Variants in GALNT13 observed in about 807,000 individuals in gnomAD.
GALNT13 encodes polypeptide N-acetylgalactosaminyltransferase 13.
In GALNT13, 28 loss-of-function variants were observed where a neutral mutation model predicts 64.2. The ratio of observed to expected loss-of-function variants is 0.44; its 90% confidence interval spans 0.32 to 0.60. The LOEUF (loss-of-function observed/expected upper bound fraction) is 0.60, where lower values mean the gene tolerates loss of function less well. Among genes scored for constraint, GALNT13 ranks in the 20% least tolerant of loss-of-function variants. The pLI is 0.05. For synonymous variants in GALNT13, 214 were observed against 224.6 expected (o/e 0.95, Z 0.42); for missense variants, 577 against 669.8 (o/e 0.86, Z 1.53).
chr2:153,752,464 G>A, the GALNT13 span, among the ~76,000 whole-genome samples: 2 of 152,080 alleles, frequency 1.3e-5, no homozygotes, highest in Admixed American at 6.6e-5. Context: ...GTGTGGGAAA[G>A]TTTTTATTTC....
chr2:153,781,113 G>A, the GALNT13 span, among the ~76,000 whole-genome samples: 2 of 152,050 alleles, frequency 1.3e-5, no homozygotes, highest in Admixed American at 6.6e-5. Flanking sequence ...CCAGGCAGAG[G>A]GAACATCATA....
At chr2:153,929,968 G>A (rs1165734259) in intron 2 of GALNT13, among the ~76,000 whole-genome samples, 1 of 152,202 alleles carries the variant, frequency 6.6e-6, no homozygotes, top group African/African-American at 2.4e-5. Context: ...CTTATTAGCA[G>A]TGTATAAACA....
the GALNT13 span, among the ~76,000 whole-genome samples, chr2:153,095,679 C>A: frequency 6.6e-6 from 1 of 152,114 alleles, no homozygotes; most frequent in East Asian, 1.9e-4. Flanking sequence ...AAATGTGGCA[C>A]ATATACACCA....
At chr2:153,440,176 C>T in the GALNT13 span, among the ~76,000 whole-genome samples, 4 of 151,988 alleles carry the variant, frequency 2.6e-5, no homozygotes, top group South Asian at 2.1e-4. Context: ...GTTCAGCTCC[C>T]ACTTATGAGT....
At chr2:154,301,081 G>A (rs961606017) in intron 8 of GALNT13, among the ~76,000 whole-genome samples, 3 of 152,230 alleles carry the variant, frequency 2.0e-5, no homozygotes, top group South Asian at 4.1e-4. Context: ...CATGTAACAT[G>A]TACAGATTCA....
the GALNT13 span, among the ~76,000 whole-genome samples, chr2:153,760,316 C>A: frequency 2.0e-5 from 3 of 151,532 alleles, no homozygotes; most frequent in African/African-American, 7.3e-5. Flanking sequence ...TTTCTTCTAA[C>A]TTTGGGCTTA....
intron 3 of GALNT13, among the ~76,000 whole-genome samples, chr2:154,032,806 T>C (rs1188342490): frequency 6.7e-6 from 1 of 150,142 alleles, no homozygotes; most frequent in Non-Finnish European, 1.5e-5. Context: ...TATTTATTAG[T>C]GGAAAGCTCA....
chr2:153,917,395 T>C (rs1458571913), intron 2 of GALNT13, among the ~76,000 whole-genome samples: 1 of 152,138 alleles, frequency 6.6e-6, no homozygotes, highest in Non-Finnish European at 1.5e-5. Context: ...ATAACTTCCC[T>C]TTACATCTCT....
chr2:153,679,035 C>T, the GALNT13 span, among the ~76,000 whole-genome samples: 2 of 151,950 alleles, frequency 1.3e-5, no homozygotes, highest in African/African-American at 4.8e-5. Context: ...GTTATTGTGC[C>T]TCCTACCTAT....
chr2:153,571,852 T>C, the GALNT13 span, among the ~76,000 whole-genome samples: 3 of 152,040 alleles, frequency 2.0e-5, no homozygotes, highest in African/African-American at 4.8e-5. Context: ...GGTTTGCTAG[T>C]ATTTTGTTGA....
At chr2:154,250,820 A>G (rs1197833834) in intron 7 of GALNT13, among the ~76,000 whole-genome samples, 6 of 152,096 alleles carry the variant, frequency 3.9e-5, no homozygotes, top group African/African-American at 1.2e-4. Context: ...ACAGAAATAG[A>G]TATCACCAAA....
chr2:153,716,498 C>T, the GALNT13 span, among the ~76,000 whole-genome samples: 1 of 152,080 alleles, frequency 6.6e-6, no homozygotes, highest in Non-Finnish European at 1.5e-5. Context: ...GAATTGATAG[C>T]TCCCAAGCAG....
At chr2:153,243,149 G>C in the GALNT13 span, among the ~76,000 whole-genome samples, 119 of 152,304 alleles carry the variant, frequency 7.8e-4, no homozygotes, top group East Asian at 0.021. Flanking sequence ...TCCACTGAGA[G>C]ATGAGACACC....
intron 3 of GALNT13, among the ~76,000 whole-genome samples, chr2:154,093,062 A>G (rs1387292144): frequency 6.6e-6 from 1 of 152,042 alleles, no homozygotes; most frequent in African/African-American, 2.4e-5. Context: ...AATACTCAAA[A>G]GATTTCATGT....
the GALNT13 span, among the ~76,000 whole-genome samples, chr2:153,170,747 A>G: frequency 6.6e-6 from 1 of 152,236 alleles, no homozygotes; most frequent in East Asian, 1.9e-4. Flanking sequence ...TGAAATTCAG[A>G]CTATAGCCCA....
the GALNT13 span, among the ~76,000 whole-genome samples, chr2:153,492,890 A>G: frequency 1.3e-5 from 2 of 152,024 alleles, no homozygotes; most frequent in African/African-American, 4.8e-5. Flanking sequence ...ACAATAAAAC[A>G]TCTAGGAAAA....
the GALNT13 span, among the ~76,000 whole-genome samples, chr2:153,195,183 G>A: frequency 2.0e-5 from 3 of 152,102 alleles, no homozygotes; most frequent in African/African-American, 7.2e-5. Context: ...GATGGTAGTT[G>A]TGGTGATAGT....
At chr2:154,332,872 C>T (rs1695242556) in intron 9 of GALNT13, among the ~76,000 whole-genome samples, 1 of 152,160 alleles carries the variant, frequency 6.6e-6, no homozygotes, top group Non-Finnish European at 1.5e-5. Flanking sequence ...CATATTTTCA[C>T]TACTTTCAGT....
chr2:153,654,518 C>T, the GALNT13 span, among the ~76,000 whole-genome samples: 2 of 151,996 alleles, frequency 1.3e-5, no homozygotes, highest in African/African-American at 4.8e-5. Context: ...TTAAATTGTA[C>T]ACCACCTAAA....
Sources: gnomAD v4.1 joint callset for allele counts (sites outside exome capture counted in the v4.1 genomes callset) on GRCh38, gnomAD v4.1.1 for gene constraint, MANE v1.5 for transcripts, NCBI Gene and HGNC (gene_info 2026-07-23, HGNC 2026-07-21) for gene names.